EPHA6: variants seen among roughly 807,000 people sequenced by gnomAD.
EPHA6 encodes the protein ephrin type-A receptor 6.
EPHA6 carries 50 observed loss-of-function variants against 112.0 expected under a neutral mutation model. The ratio of observed to expected loss-of-function variants is 0.45; its 90% CI spans 0.36 to 0.56. The LOEUF (loss-of-function observed/expected upper bound fraction) is 0.56, where lower values mean the gene tolerates loss of function less well. Ranked by LOEUF, EPHA6 falls within the 20% of genes least tolerant of loss-of-function variation. The pLI is 0.00. For synonymous variants in EPHA6, 529 were observed against 490.7 expected (o/e 1.08, Z -1.03); for missense variants, 1,280 against 1,417.4 (o/e 0.90, Z 1.56).
rs541493603 is a variant in EPHA6, at chr3:97,012,059, T to C, written c.1114+24066T>C. 9.2e-5 allele frequency among the ~76,000 whole-genome samples: 14 copies of C among 152,310 alleles called. 1 individual carries two copies. The highest frequency in any genetic ancestry group is 3.4e-4 in the African/African-American group (14 of 41,576). On this transcript the variant is annotated intron_variant, in intron 3 of 17. Transcript: ENST00000389672. Reference sequence around the variant, plus strand: ...CATATTTTCTTTATCTGCTACACAATTGGTGGGCACCTAGGTTGATTCAAT... The same window carrying C: ...CATATTTTCTTTATCTGCTACACAACTGGTGGGCACCTAGGTTGATTCAAT...
At chr3:97,234,687 T>G (rs767121964) in intron 4 of EPHA6, among the ~76,000 whole-genome samples, 2 of 152,270 alleles carry the variant, frequency 1.3e-5, no homozygotes, top group East Asian at 1.9e-4. Context: ...CATTGATGAT[T>G]CTTCTTCTTT....
intron 1 of EPHA6, among the ~76,000 whole-genome samples, chr3:96,831,416 T>G (rs1255953549): frequency 6.6e-6 from 1 of 152,066 alleles, no homozygotes; most frequent in African/African-American, 2.4e-5. Flanking sequence ...ACAGCACCTG[T>G]CAAGTCTTAG....
At chr3:96,996,156 C>T (rs758092566) in intron 3 of EPHA6, among the ~76,000 whole-genome samples, 13 of 152,140 alleles carry the variant, frequency 8.5e-5, no homozygotes, top group Non-Finnish European at 1.6e-4. Context: ...CTTTGCTCAT[C>T]CATGAAGGGC....
chr3:96,814,791 GGAA>G lies in EPHA6; in HGVS notation c.171_173del (p.Glu63del). The G allele has an allele frequency of 6.2e-7, 1 of 1,603,168 alleles. No individual in the cohort carries two copies. ...CACCCCCTGCGGGCCGGGTGGAGGA[GGAA>G]GAGGAGGAGGAGGAAGAAGACGTGG... On this transcript the variant is annotated inframe_deletion, in exon 1 of 18. Transcript: ENST00000389672.
Position 97,689,670 on chromosome 3 carries a change from C to T in EPHA6, c.2785-30591C>T, listed in dbSNP as rs116591055. Among the ~76,000 whole-genome samples the T allele has an allele frequency of 4.1e-3, 628 of 152,270 alleles. 6 individuals carry two copies. Among genetic ancestry groups the T allele is most frequent in the African/African-American group, 0.015 (607 of 41,558 alleles). On this transcript the variant is annotated intron_variant, in intron 14 of 17. Transcript: ENST00000389672. ...TTATTTACATAACAGAAATGTCGAT[C>T]ATTTAAAGTGTTACCATTTGATGAT...
At chr3:97,455,956 T>A (rs903424450) in intron 7 of EPHA6, among the ~76,000 whole-genome samples, 5 of 152,014 alleles carry the variant, frequency 3.3e-5, no homozygotes, top group African/African-American at 1.2e-4. Flanking sequence ...AAGACCTTAA[T>A]ATGAAAAATA....
At chr3:96,880,908 G>A (rs915244638) in intron 2 of EPHA6, among the ~76,000 whole-genome samples, 13 of 151,856 alleles carry the variant, frequency 8.6e-5, no homozygotes, top group East Asian at 7.7e-4. Context: ...ATATCAGTTC[G>A]TTTATCCATT....
chr3:97,087,117 G>A (rs1033730202), intron 3 of EPHA6, among the ~76,000 whole-genome samples: 2 of 152,144 alleles, frequency 1.3e-5, no homozygotes, highest in African/African-American at 4.8e-5. Flanking sequence ...GCTAGCCCAT[G>A]GGAAGGAAAA....
At chr3:97,273,537 G>A (rs931778264) in intron 5 of EPHA6, among the ~76,000 whole-genome samples, 10 of 152,302 alleles carry the variant, frequency 6.6e-5, no homozygotes, top group Admixed American at 2.6e-4. Flanking sequence ...GTAGCATTCC[G>A]AGGACGGGCC....
At chr3:97,145,236 A>G (rs756638800) in intron 3 of EPHA6, among the ~76,000 whole-genome samples, 2 of 151,260 alleles carry the variant, frequency 1.3e-5, no homozygotes, top group African/African-American at 2.4e-5. Context: ...ATGAAATATA[A>G]CTCTTTCTAA....
At chr3:97,596,318 A>G (rs1288103924) in intron 12 of EPHA6, among the ~76,000 whole-genome samples, 1 of 152,212 alleles carries the variant, frequency 6.6e-6, no homozygotes, top group African/African-American at 2.4e-5. Context: ...AATTTTTTAT[A>G]TGCCATAGAG....
intron 5 of EPHA6, among the ~76,000 whole-genome samples, chr3:97,393,751 A>T (rs1311328056): frequency 6.6e-6 from 1 of 151,638 alleles, no homozygotes; most frequent in African/African-American, 2.4e-5. Context: ...CCCTCTTCAG[A>T]CTCTGGTAAT....
intron 2 of EPHA6, among the ~76,000 whole-genome samples, chr3:96,955,079 C>T (rs770186433): frequency 4.6e-4 from 70 of 152,174 alleles, no homozygotes; most frequent in Non-Finnish European, 7.5e-4. Context: ...TATCTATTTA[C>T]TTCTTGGAGA....
intron 2 of EPHA6, among the ~76,000 whole-genome samples, chr3:96,918,455 A>G (rs1235920425): frequency 1.3e-5 from 2 of 152,118 alleles, no homozygotes; most frequent in African/African-American, 4.8e-5. Flanking sequence ...ATTGGATACA[A>G]TTTCTTTATA....
At chr3:96,892,093 G>C (rs1367479858) in intron 2 of EPHA6, among the ~76,000 whole-genome samples, 1 of 152,184 alleles carries the variant, frequency 6.6e-6, no homozygotes, top group African/African-American at 2.4e-5. Flanking sequence ...GCTTTGGTCA[G>C]TTTCATGTTT....
At chr3:96,863,228 A>G (rs1291929397) in intron 1 of EPHA6, among the ~76,000 whole-genome samples, 1 of 151,942 alleles carries the variant, frequency 6.6e-6, no homozygotes, top group African/African-American at 2.4e-5. Context: ...TGGCTTTTTT[A>G]CTGATGTTAA....
intron 11 of EPHA6, among the ~76,000 whole-genome samples, chr3:97,555,323 C>A (rs1560132991): frequency 6.6e-6 from 1 of 152,038 alleles, no homozygotes; most frequent in Non-Finnish European, 1.5e-5. Context: ...TTAATCCAGT[C>A]TATCATTGTT....
chr3:97,105,361 CATT>C (rs2047533406), intron 3 of EPHA6, among the ~76,000 whole-genome samples: 1 of 152,084 alleles, frequency 6.6e-6, no homozygotes, highest in African/African-American at 2.4e-5. Flanking sequence ...TCTTTGTTCT[CATT>C]AGTCTCAAAG....
intron 12 of EPHA6, among the ~76,000 whole-genome samples, chr3:97,603,625 G>T (rs2093659116): frequency 6.6e-6 from 1 of 151,848 alleles, no homozygotes; most frequent in Non-Finnish European, 1.5e-5. Context: ...CATAAAACAT[G>T]TTACAGGCAA....
Sources: allele counts gnomAD v4.1 joint callset (sites outside exome capture counted in the v4.1 genomes callset), GRCh38; gene constraint gnomAD v4.1.1; transcripts MANE v1.5; gene names NCBI Gene and HGNC (gene_info 2026-07-23, HGNC 2026-07-21).